Variants in TNFRSF8 observed in about 807,000 individuals in gnomAD.
The protein encoded by TNFRSF8 is TNF receptor superfamily member 8.
TNFRSF8 carries 26 observed loss-of-function variants against 70.8 expected under a neutral mutation model. The ratio of observed to expected loss-of-function variants is 0.37; its 90% CI spans 0.27 to 0.51. The LOEUF (loss-of-function observed/expected upper bound fraction) is 0.51. TNFRSF8 is among the 20% of genes least tolerant of loss of function. The probability of loss-of-function intolerance (pLI) is 0.94; values close to 1 mark genes in which losing one functional copy is unlikely to be tolerated. For synonymous variants in TNFRSF8, 356 were observed against 339.2 expected (o/e 1.05, Z -0.54); for missense variants, 720 against 807.9 (o/e 0.89, Z 1.32).
At chr1:12,072,934 T>C (rs923186203) in intron 1 of TNFRSF8, among the ~76,000 whole-genome samples, 27 of 152,090 alleles carry the variant, frequency 1.8e-4, no homozygotes, top group African/African-American at 6.5e-4. Context: ...CTCCAAACGG[T>C]CTGGGGGGCA....
intron 2 of TNFRSF8, 61 bp downstream of exon 2, chr1:12,084,612 C>T: frequency 6.9e-7 from 1 of 1,458,094 alleles, no homozygotes; most frequent in Admixed American, 1.8e-5. Context: ...TGATGACCCT[C>T]TTGGGGGATT....
At position 12,114,694 on chromosome 1, in the gene TNFRSF8, CTTTTTTTTTT is replaced by C. The variant is rs542462017; in HGVS notation, c.794-863_794-854del. ...TTTTTGCTTTTGGAGGAAAAAAAAT[CTTTTTTTTTT>C]TTTTTTTTTTTTTTTTTTTAAATAG... On this transcript the variant is annotated intron_variant, in intron 7 of 14. Coordinates refer to ENST00000263932, the MANE Select transcript of TNFRSF8 (RefSeq NM_001243.5). Among the ~76,000 whole-genome samples the C allele has an allele frequency of 9.4e-3, 721 of 77,062 alleles. 14 individuals carry two copies. The highest frequency in any genetic ancestry group is 0.036 in the African/African-American group (655 of 18,004). The allele number at this position is 77,062 out of a possible 152,430, so 50.6% of individuals were successfully genotyped here.
At position 12,143,413 on chromosome 1, in the gene TNFRSF8, C is replaced by T. The variant is rs1642295754; in HGVS notation, c.*882C>T. The T allele has an allele frequency of 2.6e-5, 4 of 152,306 alleles. No individual in the cohort carries two copies. The highest frequency in any genetic ancestry group is 9.7e-5 in the African/African-American group (4 of 41,438). 9.4% of individuals were successfully genotyped at this position (152,306 alleles called of 1,614,324 possible). A position where few individuals can be genotyped will look rare whatever the true frequency, so the allele number is the denominator to read the frequency against. On this transcript the variant is annotated 3_prime_UTR_variant, in exon 15 of 15. Transcript: ENST00000263932. This position sits in a 1 kb window ranked among gnomAD's most constrained non-coding sequence, Gnocchi z 4.1. ...TGAACATGGGGAACTTCGGGCCCTG[C>T]CTGGAGTCCTTGACCGCTCTCTGTG...
chr1:12,069,170 C>A (rs1316314188), intron 1 of TNFRSF8, among the ~76,000 whole-genome samples: 1 of 53,548 alleles, frequency 1.9e-5, no homozygotes, highest in Non-Finnish European at 3.2e-5. Context: ...TGCACCCGGC[C>A]TTTTTTTTTT....
intron 2 of TNFRSF8, among the ~76,000 whole-genome samples, chr1:12,092,575 T>A (rs1284664036): frequency 1.1e-4 from 17 of 151,078 alleles, no homozygotes; most frequent in Admixed American, 1.1e-3. Context: ...TGGCGTGATC[T>A]CTGCTCACTG....
chr1:12,133,239 G>A lies in TNFRSF8; in HGVS notation c.1310-2349G>A, dbSNP rs77035296. On this transcript the variant is annotated intron_variant, in intron 12 of 14. Transcript: ENST00000263932. ...AAAATGGAACCAGCCTGCAGGGTAT[G>A]GGCAGCTCTGCGATCCCGTTCACCC... is the stretch of plus-strand genomic sequence containing the variant. Among the ~76,000 whole-genome samples the A allele has an allele frequency of 6.6e-3, 1,001 of 152,230 alleles. 14 individuals are homozygous for A. The highest frequency in any genetic ancestry group is 0.023 in the African/African-American group (957 of 41,518).
rs1557599684 is a variant in TNFRSF8, at chr1:12,123,336, GGACTGCAACCCCACCCCA to G, written c.1002_1019del (p.Asp334_Pro339del). 2 of 1,613,292 alleles carry G rather than the reference GGACTGCAACCCCACCCCA, an allele frequency of 1.2e-6. No homozygotes were observed. The highest frequency in any genetic ancestry group is 1.7e-6 in the Non-Finnish European group (2 of 1,179,758). ...AGGCGCCACCCCTGGGGACCCAGCC[GGACTGCAACCCCACCCCA>G]GAGAATGGCGAGGCGCCTGCCAGGT... On this transcript the variant is annotated inframe_deletion, in exon 9 of 15. Transcript: ENST00000263932.
intron 1 of TNFRSF8, among the ~76,000 whole-genome samples, chr1:12,072,734 C>A (rs571784114): frequency 1.3e-5 from 2 of 152,200 alleles, no homozygotes; most frequent in Non-Finnish European, 2.9e-5. Flanking sequence ...AGGTACGGTT[C>A]CTGCTCTCAG....
At position 12,080,138 on chromosome 1, in the gene TNFRSF8, G is replaced by A. The variant is rs151257884; in HGVS notation, c.64-4326G>A. Among the ~76,000 whole-genome samples, 258 of 151,916 alleles carry A rather than the reference G, an allele frequency of 1.7e-3. 1 individual carries two copies. Among genetic ancestry groups the A allele is most frequent in the African/African-American group, 6.0e-3 (247 of 41,426 alleles). On this transcript the variant is annotated intron_variant, in intron 1 of 14. Transcript: ENST00000263932. ...TTATTTTTGTATTTTTAGCAGAGAC[G>A]GGGTTTTGCTACGTTGGCCAGGCTG... is the stretch of plus-strand genomic sequence containing the variant.
At position 12,138,316 on chromosome 1, in the gene TNFRSF8, G is replaced by T. The variant is rs376583542; in HGVS notation, c.1423G>T (p.Val475Leu). Residue 475 changes from valine (V) to leucine (L), a missense_variant, in exon 14 of 15, where the codon GTG becomes TTG. Transcript: ENST00000263932. This position sits in a 1 kb window ranked among gnomAD's most constrained non-coding sequence, Gnocchi z 5.7. ...SQPLMETCHS[V>L]GAAYLESLPL... ...GCCACTGATGGAGACCTGCCACAGCGTGGGGGCAGCCTACCTGGAGAGCCT... is the reference window on the plus strand; with the variant it reads ...GCCACTGATGGAGACCTGCCACAGCTTGGGGGCAGCCTACCTGGAGAGCCT... The T allele has an allele frequency of 5.0e-6, 8 of 1,613,776 alleles. No homozygotes were observed. The highest frequency in any genetic ancestry group is 1.3e-5 in the African/African-American group (1 of 75,038).
intron 2 of TNFRSF8, among the ~76,000 whole-genome samples, chr1:12,090,612 C>T (rs1444415248): frequency 6.6e-6 from 1 of 152,100 alleles, no homozygotes; most frequent in Non-Finnish European, 1.5e-5. Context: ...ATTTACCCAC[C>T]CATCCACCCA....
rs1195049433 is a variant in TNFRSF8, at chr1:12,108,082, AT to A, written c.422-1470del. Among the ~76,000 whole-genome samples the A allele has an allele frequency of 1.5e-3, 203 of 138,694 alleles. No homozygotes were observed. Among genetic ancestry groups the A allele is most frequent in the Admixed American group, 2.1e-3 (28 of 13,632 alleles). 91.0% of individuals were successfully genotyped at this position (138,694 alleles called of 152,430 possible). On this transcript the variant is annotated intron_variant, in intron 4 of 14. Coordinates refer to ENST00000263932, the MANE Select transcript of TNFRSF8 (RefSeq NM_001243.5). The surrounding 1 kb of genome is among the most constrained non-coding windows in gnomAD (Gnocchi z 4.0). ...CACACATACAGGCCACCATTTTTTT[AT>A]TTTTTTTTTTTTTGTGATGGAGCCT...
At chr1:12,069,166 C>T (rs1406087616) in intron 1 of TNFRSF8, among the ~76,000 whole-genome samples, 29 of 141,386 alleles carry the variant, frequency 2.1e-4, no homozygotes, top group Admixed American at 1.7e-3. Context: ...CCACTGCACC[C>T]GGCCTTTTTT....
Position 12,138,120 on chromosome 1 carries a change from G to C in TNFRSF8, c.1336-109G>C. The C allele has an allele frequency of 8.8e-7, 1 of 1,131,456 alleles. No individual in the cohort carries two copies. The highest frequency in any genetic ancestry group is 1.6e-5 in the South Asian group (1 of 62,558). 70.1% of individuals were successfully genotyped at this position (1,131,456 alleles called of 1,614,324 possible). ...TCATGGCAGCTTTTAAAGCAGAAAG[G>C]GGGACTCACTGGGGTCTGTAGAGAT... On this transcript the variant is annotated intron_variant, in intron 13 of 14. Transcript: ENST00000263932. This position sits in a 1 kb window ranked among gnomAD's most constrained non-coding sequence, Gnocchi z 5.7.
intron 4 of TNFRSF8, among the ~76,000 whole-genome samples, chr1:12,107,458 G>A (rs1330184356): frequency 6.6e-6 from 1 of 152,046 alleles, no homozygotes; most frequent in Non-Finnish European, 1.5e-5. Flanking sequence ...AGTGCTGTGT[G>A]TACAATATGC....
At position 12,104,411 on chromosome 1, in the gene TNFRSF8, A is replaced by G; in HGVS notation, c.301A>G (p.Asn101Asp). 6.2e-7 allele frequency: 1 copy of G among 1,613,926 alleles called. No individual in the cohort carries two copies. Among genetic ancestry groups the G allele is most frequent in the Non-Finnish European group, 8.5e-7 (1 of 1,179,990 alleles). The change falls in exon 4 of 15, where the codon AAC becomes GAC. Residue 101 changes from asparagine (N) to aspartate (D), a missense_variant. Coordinates refer to ENST00000263932, the MANE Select transcript of TNFRSF8 (RefSeq NM_001243.5). ...CGTGGAGAAGACGCCGTGTGCATGG[A>G]ACTCCTCCCGTGTCTGCGAATGTCG... ...DLVEKTPCAW[N>D]SSRVCECRPG...
intron 13 of TNFRSF8, 91 bp downstream of exon 13, chr1:12,135,704 G>C: frequency 1.3e-6 from 2 of 1,544,648 alleles, no homozygotes; most frequent in South Asian, 1.2e-5. Flanking sequence ...AGCTGCTGGG[G>C]GAAGGGAGAG....
chr1:12,085,405 C>T (rs999517723), intron 2 of TNFRSF8, among the ~76,000 whole-genome samples: 20 of 152,074 alleles, frequency 1.3e-4, no homozygotes, highest in East Asian at 1.9e-4. Context: ...CCAACGTGCC[C>T]GGCCTAATTT....
At chr1:12,133,459 C>T (rs1222552866) in intron 12 of TNFRSF8, among the ~76,000 whole-genome samples, 6 of 151,936 alleles carry the variant, frequency 3.9e-5, no homozygotes, top group African/African-American at 1.2e-4. Flanking sequence ...GAATGTGCCT[C>T]GGCCGGGTGC....
Sources: gnomAD v4.1 joint callset for allele counts (sites outside exome capture counted in the v4.1 genomes callset) on GRCh38, gnomAD v4.1.1 for gene constraint, Gnocchi (gnomAD v3.1) non-coding constraint, MANE v1.5 for transcripts, NCBI Gene and HGNC (gene_info 2026-07-23, HGNC 2026-07-21) for gene names.